SRPX: variants seen among roughly 807,000 people sequenced by gnomAD.
SRPX encodes sushi repeat-containing protein SRPX.
SRPX carries 24 observed loss-of-function variants against 38.1 expected under a neutral mutation model. That is an observed-to-expected ratio of 0.63 (90% confidence interval 0.46 to 0.89). The LOEUF (loss-of-function observed/expected upper bound fraction) is 0.89. Among genes scored for constraint, SRPX ranks in the 40% least tolerant of loss-of-function variants. The pLI is 0.00. For missense variants in SRPX, 416 were observed against 377.8 expected, an observed-to-expected ratio of 1.10 and a Z score of -0.84; for synonymous variants, 184 against 153.8, an observed-to-expected ratio of 1.20 and a Z score of -1.45.
chrX:38,214,201 C>G (rs1199969846), intron 1 of SRPX, among the ~76,000 whole-genome samples: 1 of 111,790 alleles, frequency 8.9e-6, no homozygotes, highest in Non-Finnish European at 1.9e-5. Flanking sequence ...CTCTGTGTGA[C>G]CCCAGACAAA....
chrX:38,151,992 G>A lies in SRPX; in HGVS notation c.1212-2098C>T, dbSNP rs777065993. On this transcript the variant is annotated intron_variant, in intron 9 of 9. Coordinates refer to ENST00000378533, the MANE Select transcript of SRPX (RefSeq NM_006307.5). ...GGTAGGCGGTGACCCTGCAACCCCA[G>A]GCACCCAGTCTCTTCTTTCTGTTGA... Among the ~76,000 whole-genome samples the A allele has an allele frequency of 2.0e-3, 226 of 111,219 alleles. 3 individuals are homozygous for A. The highest frequency in any genetic ancestry group is 3.7e-3 in the Non-Finnish European group (195 of 52,988).
intron 3 of SRPX, 98 bp downstream of exon 3, chrX:38,174,062 T>C: frequency 1.4e-6 from 1 of 733,063 alleles, no homozygotes. Flanking sequence ...TAAGGAGAAT[T>C]TTTCTCATCA....
intron 1 of SRPX, among the ~76,000 whole-genome samples, chrX:38,192,816 A>G (rs145600785): frequency 4.0e-3 from 450 of 111,788 alleles, no homozygotes; most frequent in African/African-American, 0.014. Context: ...TGAAGTCCTC[A>G]TTTGCAGCGA....
chrX:38,213,744 G>A (rs1227684639), intron 1 of SRPX, among the ~76,000 whole-genome samples: 1 of 111,975 alleles, frequency 8.9e-6, no homozygotes, highest in African/African-American at 3.3e-5. Flanking sequence ...CCTCTGAGGA[G>A]GCCTCAGGAA....
At chrX:38,196,662 T>C (rs1939004909) in intron 1 of SRPX, among the ~76,000 whole-genome samples, 1 of 112,139 alleles carries the variant, frequency 8.9e-6, no homozygotes, top group South Asian at 3.7e-4. Flanking sequence ...AACAAGGACT[T>C]GGGTGCTGTT....
chrX:38,172,232 T>A (rs1183805115), intron 3 of SRPX, among the ~76,000 whole-genome samples, 175 bp from the exon 4 acceptor site: 2 of 111,845 alleles, frequency 1.8e-5, no homozygotes, highest in Non-Finnish European at 3.8e-5. Flanking sequence ...GGCAGGTGGA[T>A]CACCTGACTT....
chrX:38,158,854 C>T (rs1040367639), intron 7 of SRPX, among the ~76,000 whole-genome samples: 3 of 110,242 alleles, frequency 2.7e-5, no homozygotes, highest in African/African-American at 9.9e-5. Flanking sequence ...GTGGCAGGCA[C>T]CTGTAGTCCC....
At chrX:38,207,280 C>T (rs1939228655) in intron 1 of SRPX, among the ~76,000 whole-genome samples, 2 of 112,056 alleles carry the variant, frequency 1.8e-5, no homozygotes, top group South Asian at 7.5e-4. Context: ...CTACGAAGGG[C>T]CAAAGTGTGT....
At chrX:38,212,764 G>A (rs1207240419) in intron 1 of SRPX, among the ~76,000 whole-genome samples, 3 of 111,234 alleles carry the variant, frequency 2.7e-5, no homozygotes, top group Non-Finnish European at 5.7e-5. Flanking sequence ...CTGCACTACA[G>A]CACCCACCGT....
intron 1 of SRPX, among the ~76,000 whole-genome samples, chrX:38,201,186 G>A (rs747616856): frequency 9.0e-6 from 1 of 111,165 alleles, no homozygotes; most frequent in Non-Finnish European, 1.9e-5. Context: ...TCTCTAAATT[G>A]TAATAACTAT....
At chrX:38,208,360 TG>T (rs1200037077) in intron 1 of SRPX, among the ~76,000 whole-genome samples, 1 of 111,943 alleles carries the variant, frequency 8.9e-6, no homozygotes, top group African/African-American at 3.2e-5. Flanking sequence ...TATTCTGACT[TG>T]TAACACCATG....
Position 38,155,385 on chromosome X carries a change from G to C in SRPX, c.1090-802C>G, listed in dbSNP as rs1405678388. On this transcript the variant is annotated intron_variant, in intron 8 of 9. Coordinates refer to ENST00000378533, the MANE Select transcript of SRPX (RefSeq NM_006307.5). ...AATGCAAATGTAAGTATATTTGGAGGAGGAGGGCACACCAAAACATCTTGA... is the reference window on the plus strand; with the variant it reads ...AATGCAAATGTAAGTATATTTGGAGCAGGAGGGCACACCAAAACATCTTGA... Among the ~76,000 whole-genome samples the C allele has an allele frequency of 2.7e-5, 3 of 112,271 alleles. No homozygotes were observed. The East Asian group carries it at 8.4e-4, about 31-fold the overall frequency.
At chrX:38,199,660 C>G (rs1461195180) in intron 1 of SRPX, among the ~76,000 whole-genome samples, 1 of 108,775 alleles carries the variant, frequency 9.2e-6, no homozygotes, top group African/African-American at 3.4e-5. Context: ...AATTAGAATG[C>G]AGGCATTGCA....
intron 1 of SRPX, among the ~76,000 whole-genome samples, chrX:38,182,175 A>G (rs940998935): frequency 2.7e-5 from 3 of 112,223 alleles, no homozygotes; most frequent in Non-Finnish European, 5.6e-5. Flanking sequence ...CCAAGTCTCT[A>G]ACGTCTTTAC....
chrX:38,194,539 A>C (rs1938959713), intron 1 of SRPX, among the ~76,000 whole-genome samples: 2 of 112,329 alleles, frequency 1.8e-5, no homozygotes, highest in African/African-American at 6.5e-5. Flanking sequence ...CTTAGTCTAG[A>C]GAAATTCCTG....
chrX:38,167,769 CT>C (rs1249693074), intron 4 of SRPX, among the ~76,000 whole-genome samples: 4 of 110,634 alleles, frequency 3.6e-5, no homozygotes, highest in Admixed American at 9.6e-5. Context: ...AGAAGCTGAA[CT>C]TTTTTTTCGA....
chrX:38,155,451 G>T (rs1569202873), intron 8 of SRPX, among the ~76,000 whole-genome samples: 1 of 112,169 alleles, frequency 8.9e-6, no homozygotes, highest in East Asian at 2.8e-4. Context: ...GTTAGCAAGT[G>T]TCTGAAGGGA....
intron 4 of SRPX, among the ~76,000 whole-genome samples, chrX:38,169,956 T>A (rs1475301463): frequency 8.9e-6 from 1 of 112,273 alleles, no homozygotes. Flanking sequence ...TCAATGGAGG[T>A]TGTGGCTCTT....
rs1272479814 is a variant in SRPX at position 38,171,987 on chromosome X, G to C, written c.420C>G (p.Asn140Lys). The change falls in exon 4 of 10, where the codon AAC (asparagine) becomes AAG (lysine). Residue 140 changes from asparagine to lysine, a missense_variant. Coordinates refer to ENST00000378533, the MANE Select transcript of SRPX (RefSeq NM_006307.5). ...GFKCVDGAYF[N>K]SRCEYYCSPG... ...GTGAACAATAATACTCACACCGGGA[G>C]TTAAAGTAGGCACCATCTACACACT... is the stretch of plus-strand genomic sequence containing the variant. 1 of 1,210,647 alleles carries C rather than the reference G, an allele frequency of 8.3e-7. No individual in the cohort carries two copies. The highest frequency in any genetic ancestry group is 2.2e-5 in the Admixed American group (1 of 45,987).
Sources: gnomAD v4.1 joint callset for allele counts (sites outside exome capture counted in the v4.1 genomes callset) on GRCh38, gnomAD v4.1.1 for gene constraint, MANE v1.5 for transcripts, NCBI Gene and HGNC (gene_info 2026-07-23, HGNC 2026-07-21) for gene names.